Variants in RYR2 observed in about 807,000 individuals in gnomAD.
RYR2 encodes the protein ryanodine receptor 2, also known as cardiac muscle ryanodine receptor-calcium release channel.
RYR2 carries 227 observed loss-of-function variants against 601.1 expected under a neutral mutation model. That is an observed-to-expected ratio of 0.38 (90% CI 0.34 to 0.42). The LOEUF is 0.42. RYR2 is among the 10% of genes least tolerant of loss of function. The pLI is 1.00. For missense variants in RYR2, 4,646 were observed against 6,156.5 expected (o/e 0.75, Z 8.21); for synonymous variants, 2,223 against 2,175.1 (o/e 1.02, Z -0.61).
At chr1:237,204,764 A>T (rs1368457391) in intron 1 of RYR2, among the ~76,000 whole-genome samples, 1 of 152,198 alleles carries the variant, frequency 6.6e-6, no homozygotes, top group African/African-American at 2.4e-5. Context: ...ACATGTCCTA[A>T]GTCAGAGGAG....
intron 1 of RYR2, among the ~76,000 whole-genome samples, chr1:237,178,431 TG>T (rs1678315043): frequency 2.2e-5 from 3 of 139,146 alleles, no homozygotes; most frequent in Non-Finnish European, 4.5e-5. Flanking sequence ...TGTGTGTGTG[TG>T]TGTGTGTGTG....
At chr1:237,769,385 T>C (rs1456177360) in intron 84 of RYR2, among the ~76,000 whole-genome samples, 1 of 152,202 alleles carries the variant, frequency 6.6e-6, no homozygotes, top group Non-Finnish European at 1.5e-5. Flanking sequence ...CAGCCAATTA[T>C]GGGAGATTCA....
intron 1 of RYR2, among the ~76,000 whole-genome samples, chr1:237,168,394 G>T (rs1160395281): frequency 6.6e-6 from 1 of 152,052 alleles, no homozygotes; most frequent in Non-Finnish European, 1.5e-5. Context: ...TTTGCTTTGG[G>T]TCATTTATTT....
At chr1:237,483,690 C>G (rs1172541871) in intron 17 of RYR2, among the ~76,000 whole-genome samples, 1 of 152,204 alleles carries the variant, frequency 6.6e-6, no homozygotes, top group African/African-American at 2.4e-5. Flanking sequence ...CGTTCATGTT[C>G]TGTGTGTTTC....
At chr1:237,290,532 A>C (rs555105931) in intron 2 of RYR2, among the ~76,000 whole-genome samples, 1 of 152,358 alleles carries the variant, frequency 6.6e-6, no homozygotes, top group East Asian at 1.9e-4. Context: ...TGCCTCAATA[A>C]AGCTGATTTT....
chr1:237,437,672 A>G (rs916466669), intron 12 of RYR2, among the ~76,000 whole-genome samples: 9 of 152,214 alleles, frequency 5.9e-5, no homozygotes, highest in African/African-American at 2.2e-4. Context: ...ACAACATGCT[A>G]TGAGAGTACA....
chr1:237,284,975 A>G (rs1303985860), intron 2 of RYR2, among the ~76,000 whole-genome samples: 2 of 152,058 alleles, frequency 1.3e-5, no homozygotes, highest in Admixed American at 6.6e-5. Context: ...TCATCCGCAA[A>G]CAGTGAAAGT....
chr1:237,074,569 G>A (rs917820515), intron 1 of RYR2, among the ~76,000 whole-genome samples: 2 of 152,130 alleles, frequency 1.3e-5, no homozygotes, highest in African/African-American at 4.8e-5. Flanking sequence ...TGTTTCAAAT[G>A]TTCTGCCACA....
At position 237,614,887 on chromosome 1, in the gene RYR2, C is replaced by G. The variant is rs1559117867; in HGVS notation, c.5715+44C>G. The G allele has an allele frequency of 6.6e-7, 1 of 1,512,744 alleles. No individual in the cohort carries two copies. The highest frequency in any genetic ancestry group is 1.3e-5 in the South Asian group (1 of 74,116). The allele number at this position is 1,512,744 out of a possible 1,614,324, so 93.7% of individuals were successfully genotyped here. A position where few individuals can be genotyped will look rare whatever the true frequency, so the allele number is the denominator to read the frequency against. On this transcript the variant is annotated intron_variant, in intron 37 of 104. Coordinates refer to ENST00000366574, the MANE Select transcript of RYR2 (RefSeq NM_001035.3). This position sits in a 1 kb window ranked among gnomAD's most constrained non-coding sequence, Gnocchi z 4.3. ...TTGAGTGAATTTCAGAATTGCTAAG[C>G]ATTAAGGTATTAGAACATGCCTTTG... is the stretch of plus-strand genomic sequence containing the variant.
intron 2 of RYR2, among the ~76,000 whole-genome samples, chr1:237,284,683 T>TCACACACAC (rs141656042): frequency 0.28 from 40,714 of 143,404 alleles, 7,148 homozygotes; most frequent in East Asian, 0.57. Flanking sequence ...TATATATATG[T>TCACACACAC]ACACACACAC....
At chr1:237,539,285 T>C (rs2618678) in intron 25 of RYR2, among the ~76,000 whole-genome samples, 152,160 of 152,368 alleles carry the variant, frequency 1, 75,976 homozygotes, top group Middle Eastern at 1. Flanking sequence ...GCCAGGGTTT[T>C]ATATGACACA....
chr1:237,694,872 G>C (rs1424145913), intron 63 of RYR2, among the ~76,000 whole-genome samples: 1 of 152,138 alleles, frequency 6.6e-6, no homozygotes. Flanking sequence ...CCTCATAATT[G>C]TGAGAGAAAT....
At chr1:237,069,819 C>T (rs915919804) in intron 1 of RYR2, among the ~76,000 whole-genome samples, 1 of 152,080 alleles carries the variant, frequency 6.6e-6, no homozygotes, top group East Asian at 1.9e-4. Flanking sequence ...TTGGTTTTCA[C>T]GTTAATACTG....
intron 25 of RYR2, among the ~76,000 whole-genome samples, chr1:237,532,775 A>G (rs921409840): frequency 2.0e-5 from 3 of 152,184 alleles, no homozygotes; most frequent in African/African-American, 7.2e-5. Flanking sequence ...TTGGGATACA[A>G]TTCAACTTAT....
At chr1:237,448,603 T>C (rs1035474673) in intron 14 of RYR2, among the ~76,000 whole-genome samples, 2 of 152,146 alleles carry the variant, frequency 1.3e-5, no homozygotes, top group Non-Finnish European at 2.9e-5. Flanking sequence ...ACTGTAATTG[T>C]GGATATCTCT....
At chr1:237,556,425 C>T (rs1183591591) in intron 27 of RYR2, among the ~76,000 whole-genome samples, 2 of 151,012 alleles carry the variant, frequency 1.3e-5, no homozygotes, top group African/African-American at 2.4e-5. Context: ...CTCAGCCTCC[C>T]GAGTAGCTGG....
At chr1:237,130,040 C>T (rs1272054637) in intron 1 of RYR2, among the ~76,000 whole-genome samples, 1 of 152,052 alleles carries the variant, frequency 6.6e-6, no homozygotes, top group Non-Finnish European at 1.5e-5. Context: ...ATCTATTGTA[C>T]AGCATGGTGA....
chr1:237,140,582 A>T (rs1440404637), intron 1 of RYR2, among the ~76,000 whole-genome samples: 1 of 152,242 alleles, frequency 6.6e-6, no homozygotes, highest in East Asian at 1.9e-4. Context: ...TTAATTAGGG[A>T]TAACATGTTC....
intron 64 of RYR2, 129 bp downstream of exon 64, chr1:237,699,154 T>A: frequency 2.0e-6 from 1 of 506,324 alleles, no homozygotes; most frequent in Non-Finnish European, 3.4e-6. Context: ...TTAGTGTAGG[T>A]GAAAAGAAAA....
Sources: allele counts gnomAD v4.1 joint callset (sites outside exome capture counted in the v4.1 genomes callset), GRCh38; gene constraint gnomAD v4.1.1; non-coding constraint Gnocchi (gnomAD v3.1); transcripts MANE v1.5; gene names NCBI Gene and HGNC (gene_info 2026-07-23, HGNC 2026-07-21).